ADARB1: variants seen among roughly 807,000 people sequenced by gnomAD.
ADARB1 encodes double-stranded RNA-specific editase 1.
Under a neutral mutation model 52.4 loss-of-function variants are expected in ADARB1, and 10 were observed. That is an observed-to-expected ratio of 0.19 (90% CI 0.12 to 0.32). The LOEUF is 0.32. ADARB1 is among the 10% of genes least tolerant of loss of function. ADARB1 has a pLI of 1.00. For missense variants in ADARB1, 643 were observed against 922.3 expected (o/e 0.70, Z 3.92); for synonymous variants, 349 against 371.1 (o/e 0.94, Z 0.68).
chr21:45,130,444 T>A (rs1268524158), intron 2 of ADARB1, among the ~76,000 whole-genome samples: 1 of 152,262 alleles, frequency 6.6e-6, no homozygotes, highest in Non-Finnish European at 1.5e-5. Flanking sequence ...TGATGAGTCA[T>A]ATCTCCTCCT....
chr21:45,130,722 C>T (rs1361851756), intron 2 of ADARB1, among the ~76,000 whole-genome samples: 2 of 152,128 alleles, frequency 1.3e-5, no homozygotes, highest in Admixed American at 1.3e-4. Flanking sequence ...GCCGTGTAGC[C>T]ACAGGTCGCA....
At chr21:45,198,150 A>G (rs2092466532) in intron 8 of ADARB1, among the ~76,000 whole-genome samples, 1 of 152,242 alleles carries the variant, frequency 6.6e-6, no homozygotes, top group Non-Finnish European at 1.5e-5. Context: ...TGCAAACAGT[A>G]AAGTTAAGAG....
At chr21:45,197,702 C>T (rs1185063632) in intron 8 of ADARB1, among the ~76,000 whole-genome samples, 1 of 152,046 alleles carries the variant, frequency 6.6e-6, no homozygotes, top group Non-Finnish European at 1.5e-5. Context: ...ATAGAACAGA[C>T]GGTGGCATAT....
intron 2 of ADARB1, among the ~76,000 whole-genome samples, chr21:45,130,379 A>G (rs2088854539): frequency 6.6e-6 from 1 of 152,258 alleles, no homozygotes; most frequent in African/African-American, 2.4e-5. Context: ...AGATATCTAA[A>G]GCATGTGCTG....
At chr21:45,178,591 C>T (rs1537122) in intron 4 of ADARB1, among the ~76,000 whole-genome samples, 82,713 of 151,922 alleles carry the variant, frequency 0.54, 22,717 homozygotes, top group South Asian at 0.58. Context: ...CTCTATTGTC[C>T]TTCAACAGGA....
At chr21:45,164,599 T>G (rs1336206047) in intron 2 of ADARB1, among the ~76,000 whole-genome samples, 2 of 152,042 alleles carry the variant, frequency 1.3e-5, no homozygotes, top group African/African-American at 4.8e-5. Flanking sequence ...TGGGGTCTGA[T>G]GAAGCCTTGC....
intron 2 of ADARB1, among the ~76,000 whole-genome samples, chr21:45,156,210 TCCATCCAC>T (rs2090599928): frequency 6.6e-6 from 1 of 151,258 alleles, no homozygotes; most frequent in Non-Finnish European, 1.5e-5. Context: ...CATCCATCCA[TCCATCCAC>T]CCACCCACCC....
intron 2 of ADARB1, among the ~76,000 whole-genome samples, chr21:45,148,129 C>T (rs1202114303): frequency 6.6e-6 from 1 of 152,212 alleles, no homozygotes; most frequent in Non-Finnish European, 1.5e-5. Context: ...GAGGATCCTG[C>T]CCCAGACGTG....
chr21:45,156,674 C>T (rs554507507), intron 2 of ADARB1, among the ~76,000 whole-genome samples: 10 of 152,264 alleles, frequency 6.6e-5, no homozygotes, highest in East Asian at 3.9e-4. Flanking sequence ...CACCCCCCCA[C>T]GCACCCACTT....
chr21:45,185,365 G>A (rs748168703), intron 8 of ADARB1, among the ~76,000 whole-genome samples: 91 of 152,186 alleles, frequency 6.0e-4, no homozygotes, highest in Non-Finnish European at 1.6e-4. Flanking sequence ...TGGGCTTCTG[G>A]GTTAAACTGA....
At chr21:45,214,510 A>T (rs1034922233) in intron 9 of ADARB1, among the ~76,000 whole-genome samples, 3 of 152,194 alleles carry the variant, frequency 2.0e-5, no homozygotes, top group African/African-American at 7.2e-5. Context: ...TTACAGTTGC[A>T]GTTTTTACAT....
chr21:45,083,387 T>C (rs1228926948), intron 1 of ADARB1, among the ~76,000 whole-genome samples: 1 of 152,224 alleles, frequency 6.6e-6, no homozygotes. Flanking sequence ...TTTCCACACT[T>C]TTCTATGTAG....
intron 1 of ADARB1, among the ~76,000 whole-genome samples, chr21:45,081,019 A>T (rs1200883916): frequency 6.6e-6 from 1 of 152,234 alleles, no homozygotes; most frequent in African/African-American, 2.4e-5. Flanking sequence ...CAGAACACCC[A>T]TCTTCTCAGT....
Position 45,225,252 on chromosome 21 carries a change from C to T in ADARB1, c.*3055C>T. 8.8e-7 allele frequency: 1 copy of T among 1,136,702 alleles called. No individual in the cohort carries two copies. The allele number at this position is 1,136,702 out of a possible 1,614,324, so 70.4% of individuals were successfully genotyped here. On this transcript the variant is annotated 3_prime_UTR_variant, in exon 11 of 11. Coordinates refer to ENST00000348831, the MANE Select transcript of ADARB1 (RefSeq NM_001112.4). ...GACAGGTCCAGATGGATGTCGTCAC[C>T]ACCTTCCTCAGCTCTCATCACCTGG... is the stretch of plus-strand genomic sequence containing the variant.
chr21:45,204,636 C>G lies in ADARB1; in HGVS notation c.1647C>G (p.Ser549Arg). ...ACTTCTCGAGCATCATCCTGGGCAG[C>G]CTTTACCACGGGGACCACCTTTCCA... is the stretch of plus-strand genomic sequence containing the variant. ...PIYFSSIILG[S>R]LYHGDHLSRA... The change falls in exon 9 of 11, where the codon AGC becomes AGG. Residue 549 changes from serine to arginine, a missense_variant. By Grantham distance (110) the Ser-to-Arg change is moderately radical. Coordinates refer to ENST00000348831, the MANE Select transcript of ADARB1 (RefSeq NM_001112.4). The surrounding 1 kb of genome is among the most constrained non-coding windows in gnomAD (Gnocchi z 4.4). The G allele has an allele frequency of 1.2e-6, 2 of 1,614,160 alleles. No individual in the cohort carries two copies. The highest frequency in any genetic ancestry group is 1.7e-6 in the Non-Finnish European group (2 of 1,180,030).
At chr21:45,110,155 G>C (rs1330722781) in intron 1 of ADARB1, among the ~76,000 whole-genome samples, 1 of 152,140 alleles carries the variant, frequency 6.6e-6, no homozygotes, top group East Asian at 1.9e-4. Flanking sequence ...TCCACATTTT[G>C]AGAAGAAAAT....
At chr21:45,134,128 C>T (rs1488476427) in intron 2 of ADARB1, among the ~76,000 whole-genome samples, 4 of 79,188 alleles carry the variant, frequency 5.1e-5, no homozygotes, top group African/African-American at 1.5e-4. Context: ...GTGCGCCCGA[C>T]GGGGGTGTGT....
intron 9 of ADARB1, among the ~76,000 whole-genome samples, chr21:45,211,716 A>AT (rs1297673144): frequency 6.6e-6 from 1 of 152,212 alleles, no homozygotes; most frequent in Admixed American, 6.5e-5. Context: ...AGCACACTTA[A>AT]TTTACAACAA....
At chr21:45,161,343 G>A (rs188626188) in intron 2 of ADARB1, among the ~76,000 whole-genome samples, 101 of 152,308 alleles carry the variant, frequency 6.6e-4, no homozygotes, top group Non-Finnish European at 9.7e-4. Context: ...CCCCTGCCCC[G>A]ACAGGCTGAG....
Sources: allele counts gnomAD v4.1 joint callset (sites outside exome capture counted in the v4.1 genomes callset), GRCh38; gene constraint gnomAD v4.1.1; non-coding constraint Gnocchi (gnomAD v3.1); transcripts MANE v1.5; gene names NCBI Gene and HGNC (gene_info 2026-07-23, HGNC 2026-07-21).